Variants in NPAS3 observed in about 807,000 individuals in gnomAD.
NPAS3 encodes neuronal PAS domain protein 3.
A neutral mutation model predicts 73.1 loss-of-function variants in NPAS3; 14 were observed. The observed-to-expected ratio is 0.19, with a 90% CI of 0.13 to 0.30. NPAS3 has a LOEUF of 0.30. NPAS3 is among the 10% of genes least tolerant of loss of function. NPAS3 has a pLI of 1.00. For missense variants in NPAS3, 1,096 were observed against 1,250.0 expected, an observed-to-expected ratio of 0.88 and a Z score of 1.86; for synonymous variants, 620 against 541.5, an observed-to-expected ratio of 1.14 and a Z score of -2.01.
intron 4 of NPAS3, among the ~76,000 whole-genome samples, chr14:33,482,511 C>T (rs183487369): frequency 1.2e-4 from 18 of 152,202 alleles, no homozygotes; most frequent in African/African-American, 3.9e-4. Context: ...GAAGTTGAAA[C>T]GTGGTGGAGA....
intron 7 of NPAS3, among the ~76,000 whole-genome samples, chr14:33,758,089 C>A (rs1483250080): frequency 6.6e-6 from 1 of 152,186 alleles, no homozygotes; most frequent in Non-Finnish European, 1.5e-5. Flanking sequence ...CTTCAGAATT[C>A]TTCTGTGGTT....
intron 2 of NPAS3, among the ~76,000 whole-genome samples, chr14:33,157,682 C>T (rs76768177): frequency 0.036 from 5,444 of 152,282 alleles, 315 homozygotes; most frequent in African/African-American, 0.12. Context: ...TATTAACTTT[C>T]CAGAATCTCT....
chr14:33,713,989 C>T (rs768288394), intron 6 of NPAS3, among the ~76,000 whole-genome samples: 9 of 152,074 alleles, frequency 5.9e-5, no homozygotes, highest in South Asian at 2.1e-4. Flanking sequence ...ACTATCTCAC[C>T]GGATATCCAA....
intron 2 of NPAS3, among the ~76,000 whole-genome samples, chr14:33,188,035 A>G (rs2046042497): frequency 6.6e-6 from 1 of 152,230 alleles, no homozygotes; most frequent in Non-Finnish European, 1.5e-5. Flanking sequence ...GCCTATGATT[A>G]CATAGCTAAC....
intron 5 of NPAS3, among the ~76,000 whole-genome samples, chr14:33,645,117 G>A (rs114370359): frequency 0.012 from 1,792 of 151,846 alleles, 36 homozygotes; most frequent in African/African-American, 0.04. Flanking sequence ...AAAAAGATGA[G>A]CGAATAGGAC....
At chr14:32,965,950 A>C (rs1022989578) in intron 1 of NPAS3, among the ~76,000 whole-genome samples, 1 of 152,194 alleles carries the variant, frequency 6.6e-6, no homozygotes, top group African/African-American at 2.4e-5. Flanking sequence ...GAAATCAATC[A>C]CGTTTACAAT....
chr14:33,208,649 A>C (rs558264704), intron 2 of NPAS3, among the ~76,000 whole-genome samples: 1 of 152,122 alleles, frequency 6.6e-6, no homozygotes, highest in African/African-American at 2.4e-5. Flanking sequence ...ATTTTCCTAC[A>C]TGTGGAAAAA....
At chr14:33,530,077 CTTTTT>C (rs1369551210) in intron 4 of NPAS3, among the ~76,000 whole-genome samples, 1 of 152,004 alleles carries the variant, frequency 6.6e-6, no homozygotes, top group Admixed American at 6.6e-5. Flanking sequence ...ACTTTCTTTC[CTTTTT>C]GTCACCGCTC....
At chr14:33,472,512 A>C (rs182949776) in intron 4 of NPAS3, among the ~76,000 whole-genome samples, 3 of 152,316 alleles carry the variant, frequency 2.0e-5, no homozygotes, top group Non-Finnish European at 4.4e-5. Flanking sequence ...ATCACCTCTA[A>C]CTGTCATTTT....
At chr14:33,523,381 A>C (rs2140117906) in intron 4 of NPAS3, among the ~76,000 whole-genome samples, 1 of 150,534 alleles carries the variant, frequency 6.6e-6, no homozygotes, top group Admixed American at 6.7e-5. Context: ...ACACTGGCCC[A>C]GGCAAGGTTG....
intron 4 of NPAS3, among the ~76,000 whole-genome samples, chr14:33,505,548 T>A (rs1233257387): frequency 6.6e-6 from 1 of 152,000 alleles, no homozygotes; most frequent in Non-Finnish European, 1.5e-5. Context: ...TGCACTCCCT[T>A]ATCACACAAA....
At chr14:33,502,985 A>T (rs559841918) in intron 4 of NPAS3, among the ~76,000 whole-genome samples, 4 of 148,736 alleles carry the variant, frequency 2.7e-5, no homozygotes, top group South Asian at 2.3e-4. Context: ...TATACCATCT[A>T]TACTCTACTC....
intron 1 of NPAS3, among the ~76,000 whole-genome samples, chr14:32,947,745 T>A (rs1335250036): frequency 6.6e-6 from 1 of 152,188 alleles, no homozygotes; most frequent in Non-Finnish European, 1.5e-5. Context: ...ATGTATGCAG[T>A]GGATTGGTGA....
chr14:32,984,189 G>A (rs916493506), intron 1 of NPAS3, among the ~76,000 whole-genome samples: 2 of 152,188 alleles, frequency 1.3e-5, no homozygotes, highest in Non-Finnish European at 2.9e-5. Context: ...ACCCTGACCT[G>A]TTATAGTGCC....
chr14:33,421,695 T>C (rs1455277832), intron 4 of NPAS3, among the ~76,000 whole-genome samples: 1 of 151,994 alleles, frequency 6.6e-6, no homozygotes, highest in Non-Finnish European at 1.5e-5. Flanking sequence ...ATCTGCTAGA[T>C]ACTTTAAAAT....
intron 2 of NPAS3, among the ~76,000 whole-genome samples, chr14:33,188,317 T>C (rs2046052403): frequency 6.6e-6 from 1 of 152,250 alleles, no homozygotes; most frequent in Non-Finnish European, 1.5e-5. Context: ...CTGTCTCTTC[T>C]GCTTCTCACT....
chr14:33,148,981 C>T (rs1034115469), intron 2 of NPAS3, among the ~76,000 whole-genome samples: 1 of 152,130 alleles, frequency 6.6e-6, no homozygotes, highest in African/African-American at 2.4e-5. Context: ...ACCCCGCGAG[C>T]CACCGGGCCT....
chr14:33,758,559 G>A (rs573013673), intron 7 of NPAS3, among the ~76,000 whole-genome samples: 9 of 152,356 alleles, frequency 5.9e-5, no homozygotes, highest in African/African-American at 2.2e-4. Context: ...ATTTAGGGAA[G>A]AAGGCTATGA....
At chr14:33,516,992 TGAGG>T (rs1027813048) in intron 4 of NPAS3, among the ~76,000 whole-genome samples, 1 of 152,074 alleles carries the variant, frequency 6.6e-6, no homozygotes. Flanking sequence ...TACGATCTAC[TGAGG>T]CAGATGAACA....
Sources: gnomAD v4.1 joint callset for allele counts (sites outside exome capture counted in the v4.1 genomes callset) on GRCh38, gnomAD v4.1.1 for gene constraint, MANE v1.5 for transcripts, NCBI Gene and HGNC (gene_info 2026-07-23, HGNC 2026-07-21) for gene names.